The following DOCK11 variants were observed in gnomAD, a reference collection of about 807,000 sequenced individuals.
DOCK11 encodes dedicator of cytokinesis protein 11.
In DOCK11, 70 loss-of-function variants were observed where a neutral mutation model predicts 169.1. The observed-to-expected ratio is 0.41, with a 90% CI of 0.34 to 0.51. The LOEUF is 0.51. Among genes scored for constraint, DOCK11 ranks in the 20% least tolerant of loss-of-function variants. DOCK11 has a pLI of 0.10. For synonymous variants in DOCK11, 529 were observed against 541.3 expected (o/e 0.98, Z 0.32); for missense variants, 1,166 against 1,538.8 (o/e 0.76, Z 4.05).
intron 31 of DOCK11, among the ~76,000 whole-genome samples, chrX:118,622,719 G>A (rs2015005579): frequency 8.9e-6 from 1 of 111,917 alleles, no homozygotes; most frequent in Non-Finnish European, 1.9e-5. Context: ...GTAGTTAAGT[G>A]ACTTGATTGT....
intron 40 of DOCK11, among the ~76,000 whole-genome samples, chrX:118,646,266 C>T (rs1235401890): frequency 1.8e-5 from 2 of 110,691 alleles, no homozygotes; most frequent in East Asian, 2.8e-4. Context: ...CTAGCGGGAG[C>T]ATCAACATAC....
rs1569421611 is a variant in DOCK11, at chrX:118,580,078, T to A, written c.1513-19T>A. On this transcript the variant is annotated intron_variant, in intron 13 of 52. Coordinates refer to ENST00000276202, the MANE Select transcript of DOCK11 (RefSeq NM_144658.4). ...CAGTTTGAACAAATACAAGCCTATC[T>A]TCTTGTTTCTGACCTTAGACGGCCC... 2 of 1,196,735 alleles carry A rather than the reference T, an allele frequency of 1.7e-6. No homozygotes were observed. Among genetic ancestry groups the A allele is most frequent in the Non-Finnish European group, 2.3e-6 (2 of 885,480 alleles).
At chrX:118,600,388 C>G (rs1408661549) in intron 23 of DOCK11, among the ~76,000 whole-genome samples, 1 of 97,114 alleles carries the variant, frequency 1.0e-5, no homozygotes, top group Non-Finnish European at 2.0e-5. Flanking sequence ...CAGCGAGATT[C>G]TGGTTTGTTT....
chrX:118,504,366 T>C (rs1476085216), intron 1 of DOCK11, among the ~76,000 whole-genome samples: 2 of 111,340 alleles, frequency 1.8e-5, no homozygotes, highest in East Asian at 5.7e-4. Flanking sequence ...AATTCCTATA[T>C]AGTGTGCGTG....
chrX:118,585,923 C>T (rs934833574), intron 16 of DOCK11, among the ~76,000 whole-genome samples: 1 of 111,781 alleles, frequency 8.9e-6, no homozygotes, highest in African/African-American at 3.3e-5. Flanking sequence ...AGTAATAATG[C>T]CAGTAAGGCA....
At position 118,598,105 on chromosome X, in the gene DOCK11, A is replaced by T; in HGVS notation, c.2461A>T (p.Ile821Phe). 8.4e-7 allele frequency: 1 copy of T among 1,188,509 alleles called. No homozygotes were observed. Among genetic ancestry groups the T allele is most frequent in the Non-Finnish European group, 1.1e-6 (1 of 879,026 alleles). ...LKIKSHLESTIYTQDLHVHKF... is the reference protein window; with the variant it reads ...LKIKSHLESTFYTQDLHVHKF... ...GATTAAAAGCCACTTAGAATCTACC[A>T]TTTACACTCAAGTAAGTTGCATCAT... Residue 821 changes from isoleucine (I) to phenylalanine (F), a missense_variant, in exon 22 of 53, where the codon ATT becomes TTT. Physicochemically the swap from Ile to Phe is conservative, Grantham distance 21. Coordinates refer to ENST00000276202, the MANE Select transcript of DOCK11 (RefSeq NM_144658.4).
chrX:118,655,514 T>C (rs1245011857), intron 44 of DOCK11, among the ~76,000 whole-genome samples: 7 of 111,358 alleles, frequency 6.3e-5, no homozygotes, highest in African/African-American at 2.3e-4. Context: ...CCAGCCACTT[T>C]AGTGCAGTGA....
At chrX:118,526,475 C>T in intron 1 of DOCK11, among the ~76,000 whole-genome samples, 1 of 112,071 alleles carries the variant, frequency 8.9e-6, no homozygotes, top group Admixed American at 9.4e-5. Context: ...CCTGTTTGTC[C>T]GATGACTACT....
chrX:118,661,800 G>A (rs368755318), intron 44 of DOCK11, among the ~76,000 whole-genome samples: 18 of 111,548 alleles, frequency 1.6e-4, no homozygotes, highest in Non-Finnish European at 2.6e-4. Flanking sequence ...TTTACACCTC[G>A]ACTGTTGCTT....
chrX:118,658,860 A>C (rs1360568898), intron 44 of DOCK11, among the ~76,000 whole-genome samples: 3 of 111,868 alleles, frequency 2.7e-5, no homozygotes, highest in Non-Finnish European at 5.6e-5. Context: ...GACAAGAGTC[A>C]AGTCTCTGCA....
intron 11 of DOCK11, 63 bp from the exon 12 acceptor site, chrX:118,573,743 G>A (rs1417544567): frequency 3.2e-5 from 30 of 941,657 alleles, no homozygotes; most frequent in Non-Finnish European, 4.4e-5. Context: ...TTGCACTTGT[G>A]CCCCTCCCCG....
At chrX:118,534,161 G>A (rs2011673654) in intron 1 of DOCK11, among the ~76,000 whole-genome samples, 1 of 112,096 alleles carries the variant, frequency 8.9e-6, no homozygotes, top group Admixed American at 9.5e-5. Flanking sequence ...CACAGAGTGA[G>A]CACAAAAAGC....
At chrX:118,593,434 C>G in intron 20 of DOCK11, 97 bp downstream of exon 20, 1 of 876,371 alleles carries the variant, frequency 1.1e-6, no homozygotes, top group Non-Finnish European at 1.5e-6. Context: ...CACTTCTCCC[C>G]TTGACCAAAA....
chrX:118,578,360 G>A (rs1045128702), intron 12 of DOCK11, among the ~76,000 whole-genome samples, 165 bp from the exon 13 acceptor site: 5 of 111,913 alleles, frequency 4.5e-5, no homozygotes, highest in African/African-American at 6.5e-5. Flanking sequence ...TGAAAGGAAC[G>A]TTGGAAGCTT....
chrX:118,498,592 G>A (rs2057552870), intron 1 of DOCK11, among the ~76,000 whole-genome samples: 1 of 111,573 alleles, frequency 9.0e-6, no homozygotes, highest in Admixed American at 9.5e-5. Flanking sequence ...GGACAGCTGA[G>A]GTAGGATTTA....
At chrX:118,621,822 A>G (rs900813231) in intron 31 of DOCK11, among the ~76,000 whole-genome samples, 4 of 111,036 alleles carry the variant, frequency 3.6e-5, no homozygotes, top group African/African-American at 1.3e-4. Context: ...TTTAGCAGAG[A>G]TGGGATTTCA....
At chrX:118,603,272 C>A (rs1041586469) in intron 23 of DOCK11, among the ~76,000 whole-genome samples, 2 of 112,707 alleles carry the variant, frequency 1.8e-5, no homozygotes, top group Middle Eastern at 4.6e-3. Flanking sequence ...ACAGGTTTGG[C>A]GGGACAGGCC....
At chrX:118,647,246 A>G (rs2015700954) in intron 40 of DOCK11, among the ~76,000 whole-genome samples, 1 of 104,562 alleles carries the variant, frequency 9.6e-6, no homozygotes. Flanking sequence ...GATTTTAGCT[A>G]TAATTTTCTC....
intron 1 of DOCK11, among the ~76,000 whole-genome samples, chrX:118,508,571 G>T (rs1056919755): frequency 4.5e-5 from 5 of 111,096 alleles, no homozygotes. Flanking sequence ...AATAACTTAA[G>T]TTCAAGAAGG....
Sources: gnomAD v4.1 joint callset for allele counts (sites outside exome capture counted in the v4.1 genomes callset) on GRCh38, gnomAD v4.1.1 for gene constraint, MANE v1.5 for transcripts, NCBI Gene and HGNC (gene_info 2026-07-23, HGNC 2026-07-21) for gene names.